Variants in ZC3H8 observed in about 807,000 individuals in gnomAD.
ZC3H8 encodes zinc finger CCCH-type containing 8, also known as zinc finger CCCH domain-containing protein 8.
Under a neutral mutation model 42.5 loss-of-function variants are expected in ZC3H8, and 27 were observed. The observed-to-expected ratio is 0.64, with a 90% CI of 0.47 to 0.88. ZC3H8 has a LOEUF of 0.88. ZC3H8 is among the 40% of genes least tolerant of loss of function. ZC3H8 has a pLI of 0.00. For missense variants in ZC3H8, 277 were observed against 336.1 expected, an observed-to-expected ratio of 0.82 and a Z score of 1.37; for synonymous variants, 101 against 110.1, an observed-to-expected ratio of 0.92 and a Z score of 0.52.
At chr2:112,223,395 AAAAT>A (rs1233168118) in intron 8 of ZC3H8, among the ~76,000 whole-genome samples, 8 of 152,200 alleles carry the variant, frequency 5.3e-5, no homozygotes, top group Non-Finnish European at 1.0e-4. Flanking sequence ...AGAATAGAAT[AAAAT>A]AAATAAAGCC....
intron 8 of ZC3H8, among the ~76,000 whole-genome samples, chr2:112,230,077 G>A (rs1019688948): frequency 2.0e-5 from 3 of 152,082 alleles, no homozygotes; most frequent in Admixed American, 2.0e-4. Flanking sequence ...AAAAACATGG[G>A]CAAAGACATT....
chr2:112,231,368 G>C (rs950016990), intron 7 of ZC3H8, among the ~76,000 whole-genome samples: 1 of 152,120 alleles, frequency 6.6e-6, no homozygotes, highest in Non-Finnish European at 1.5e-5. Flanking sequence ...CATGAGAAAT[G>C]AAAGAATACA....
intron 8 of ZC3H8, among the ~76,000 whole-genome samples, chr2:112,221,720 C>G (rs1287525084): frequency 6.6e-6 from 1 of 152,016 alleles, no homozygotes; most frequent in Non-Finnish European, 1.5e-5. Flanking sequence ...TCAGGTCAGT[C>G]TGGTTCTTTC....
rs553727556 is a variant in ZC3H8 at position 112,249,808 on chromosome 2, C to T, written c.156+383G>A. On this transcript the variant is annotated intron_variant, in intron 2 of 8. Coordinates refer to ENST00000409573, the MANE Select transcript of ZC3H8 (RefSeq NM_032494.3). ...TTATGGCAGCCCTAATGAACTAATA[C>T]GGGCTTTAAGCTATAAATCACTAAG... Among the ~76,000 whole-genome samples, 75 of 152,250 alleles carry T rather than the reference C, an allele frequency of 4.9e-4. No individual in the cohort carries two copies. In the Middle Eastern group the frequency reaches 0.02, roughly 41 times the overall value.
At position 112,214,357 on chromosome 2, in the gene ZC3H8, C is replaced by A. The variant is rs1275513963; in HGVS notation, c.*2127G>T. Reference sequence around the variant, plus strand: ...CGTTTGCTTTGGCTTTAAAGACGGTCAAGGATAAATTCAATAGAGCCATGA... The same window carrying A: ...CGTTTGCTTTGGCTTTAAAGACGGTAAAGGATAAATTCAATAGAGCCATGA... On this transcript the variant is annotated 3_prime_UTR_variant, in exon 9 of 9. Transcript: ENST00000409573. The A allele has an allele frequency of 3.3e-5, 5 of 152,022 alleles. No homozygotes were observed. The highest frequency in any genetic ancestry group is 2.0e-4 in the Admixed American group (3 of 15,262). The allele number at this position is 152,022 out of a possible 1,614,324, so 9.4% of individuals were successfully genotyped here.
At chr2:112,245,777 A>T (rs1448499421) in intron 2 of ZC3H8, among the ~76,000 whole-genome samples, 1 of 152,220 alleles carries the variant, frequency 6.6e-6, no homozygotes, top group Admixed American at 6.5e-5. Flanking sequence ...ATGTAAATGA[A>T]ACAGCCTTAT....
rs529154243 is a variant in ZC3H8 at position 112,245,745 on chromosome 2, C to A, written c.156+4446G>T. On this transcript the variant is annotated intron_variant, in intron 2 of 8. Transcript: ENST00000409573. ...AGCTAAGATCATTGATGAAGGTGGC[C>A]ACACTAAACAACAGATTTTCAATGT... is the stretch of plus-strand genomic sequence containing the variant. Among the ~76,000 whole-genome samples the A allele has an allele frequency of 4.6e-5, 7 of 152,194 alleles. No homozygotes were observed. In the East Asian group the frequency reaches 1.4e-3, roughly 29 times the overall value.
At chr2:112,254,132 T>C in intron 1 of ZC3H8, 1 of 985,314 alleles carries the variant, frequency 1.0e-6, no homozygotes, top group Non-Finnish European at 1.2e-6. Flanking sequence ...AAGGTAAAAT[T>C]TGAGATAGAG....
At chr2:112,252,254 C>A (rs966664052) in intron 1 of ZC3H8, among the ~76,000 whole-genome samples, 4 of 152,210 alleles carry the variant, frequency 2.6e-5, no homozygotes, top group African/African-American at 9.6e-5. Flanking sequence ...TTGCTCTTCT[C>A]TCTGAAGCCT....
At chr2:112,240,762 AC>A (rs932978800) in intron 2 of ZC3H8, among the ~76,000 whole-genome samples, 22 of 152,192 alleles carry the variant, frequency 1.4e-4, no homozygotes, top group African/African-American at 5.3e-4. Flanking sequence ...ATAATTGAAT[AC>A]TTTTCTTCAC....
At chr2:112,233,428 G>T in intron 5 of ZC3H8, 57 bp from the exon 6 acceptor site, 3 of 1,149,232 alleles carry the variant, frequency 2.6e-6, no homozygotes, top group South Asian at 1.4e-5. Flanking sequence ...AAGTCATTAT[G>T]ATTTAATTCC....
intron 4 of ZC3H8, among the ~76,000 whole-genome samples, chr2:112,236,070 C>T (rs1194426027): frequency 6.6e-6 from 1 of 151,940 alleles, no homozygotes; most frequent in Non-Finnish European, 1.5e-5. Context: ...TCAAGACCAT[C>T]CTGGCCAACA....
In ZC3H8 at chr2:112,238,469, G is replaced by A; in HGVS notation, c.216C>T (p.Asp72=). The A allele has an allele frequency of 6.2e-7, 1 of 1,612,942 alleles. No individual in the cohort carries two copies. Among genetic ancestry groups the A allele is most frequent in the Non-Finnish European group, 8.5e-7 (1 of 1,179,818 alleles). The change falls in exon 3 of 9, where the codon GAC becomes GAT. Residue 72 remains aspartate, a synonymous_variant. Transcript: ENST00000409573. ...TATCATTATCACTATATACATCATA[G>A]TCCTTACTTCTTGATTTTCTATGCA... ...SSLHRKSRSK[D]YDVYSDNDIC... is the part of the protein sequence containing the mutation.
chr2:112,216,433 T>C lies in ZC3H8; in HGVS notation c.*51A>G, dbSNP rs930590061. On this transcript the variant is annotated 3_prime_UTR_variant, in exon 9 of 9. Transcript: ENST00000409573. ...AGTCTTGAACAGTCTTGAACACGCA[T>C]GGGCGTTAAAGTACTCTTTATCTGT... 6.6e-6 allele frequency: 1 copy of C among 152,244 alleles called. No individual in the cohort carries two copies. Among genetic ancestry groups the C allele is most frequent in the African/African-American group, 2.4e-5 (1 of 41,462 alleles). The allele number at this position is 152,244 out of a possible 1,614,324, so 9.4% of individuals were successfully genotyped here. A position where few individuals can be genotyped will look rare whatever the true frequency, so the allele number is the denominator to read the frequency against.
chr2:112,233,412 A>C, intron 5 of ZC3H8, 41 bp from the exon 6 acceptor site: 167 of 1,290,288 alleles, frequency 1.3e-4, no homozygotes, highest in Non-Finnish European at 1.6e-4. Flanking sequence ...ATTATTTCTC[A>C]TAGTCAAGTC....
At chr2:112,250,769 A>ATAT (rs2104671467) in intron 1 of ZC3H8, among the ~76,000 whole-genome samples, 1 of 152,374 alleles carries the variant, frequency 6.6e-6, no homozygotes, top group Admixed American at 6.5e-5. Context: ...AGCCTAAATG[A>ATAT]TACTTATGAG....
chr2:112,232,641 G>C (rs964605049), intron 6 of ZC3H8, among the ~76,000 whole-genome samples: 1 of 152,098 alleles, frequency 6.6e-6, no homozygotes, highest in African/African-American at 2.4e-5. Context: ...TTGTACATTA[G>C]ACTTGTTTAC....
At chr2:112,229,343 A>G (rs189864025) in intron 8 of ZC3H8, among the ~76,000 whole-genome samples, 3 of 152,328 alleles carry the variant, frequency 2.0e-5, no homozygotes, top group Admixed American at 6.5e-5. Context: ...TTTTCTCCCT[A>G]GAGTTACAGT....
intron 2 of ZC3H8, among the ~76,000 whole-genome samples, chr2:112,244,002 A>G (rs573828292): frequency 6.6e-6 from 1 of 152,034 alleles, no homozygotes; most frequent in East Asian, 1.9e-4. Flanking sequence ...AACAGAGGAA[A>G]TATCTTGGGA....
Sources: allele counts gnomAD v4.1 joint callset (sites outside exome capture counted in the v4.1 genomes callset), GRCh38; gene constraint gnomAD v4.1.1; transcripts MANE v1.5; gene names NCBI Gene and HGNC (gene_info 2026-07-23, HGNC 2026-07-21).